The following FHIT variants were observed in gnomAD, a reference collection of about 807,000 sequenced individuals.
FHIT encodes the protein bis(5'-adenosyl)-triphosphatase.
In FHIT, 19 loss-of-function variants were observed where a neutral mutation model predicts 17.9. The observed-to-expected ratio is 1.06, with a 90% CI of 0.74 to 1.56. The LOEUF (loss-of-function observed/expected upper bound fraction) is 1.56. FHIT is among the 40% of genes most tolerant of loss of function. The probability of loss-of-function intolerance (pLI) is 0.00; values close to 1 mark genes in which losing one functional copy is unlikely to be tolerated. For missense variants in FHIT, 248 were observed against 189.2 expected (o/e 1.31, Z -1.82); for synonymous variants, 81 against 69.7 (o/e 1.16, Z -0.81).
intron 1 of FHIT, among the ~76,000 whole-genome samples, chr3:61,249,093 T>G (rs2040551795): frequency 6.6e-6 from 1 of 152,214 alleles, no homozygotes; most frequent in Non-Finnish European, 1.5e-5. Context: ...TTTATAACAA[T>G]TGGTCCTGGT....
intron 5 of FHIT, among the ~76,000 whole-genome samples, chr3:60,255,752 G>A (rs538339632): frequency 2.1e-4 from 32 of 152,206 alleles, no homozygotes; most frequent in African/African-American, 7.0e-4. Context: ...GCCTTAGATG[G>A]ATATCTATAA....
chr3:60,758,396 TA>T (rs1699523142), intron 4 of FHIT, among the ~76,000 whole-genome samples: 1 of 152,236 alleles, frequency 6.6e-6, no homozygotes, highest in Admixed American at 6.5e-5. Context: ...GGCTGACTGA[TA>T]CAGGAAGAGA....
At chr3:60,134,215 G>A (rs182688195) in intron 5 of FHIT, among the ~76,000 whole-genome samples, 4 of 152,162 alleles carry the variant, frequency 2.6e-5, no homozygotes, top group African/African-American at 9.7e-5. Flanking sequence ...CCAAGGTGGA[G>A]ATAGGAAAAT....
intron 4 of FHIT, among the ~76,000 whole-genome samples, chr3:60,579,743 G>A (rs1553659000): frequency 1.3e-5 from 2 of 152,072 alleles, no homozygotes; most frequent in African/African-American, 4.8e-5. Context: ...ATTTGAGAAG[G>A]GAAAATGTTG....
At chr3:60,493,281 C>T (rs1020892528) in intron 5 of FHIT, among the ~76,000 whole-genome samples, 9 of 152,168 alleles carry the variant, frequency 5.9e-5, no homozygotes, top group African/African-American at 1.9e-4. Context: ...ATGCTTAAAT[C>T]TGTAGATGGT....
chr3:60,289,859 G>A (rs1707902563), intron 5 of FHIT, among the ~76,000 whole-genome samples: 1 of 152,114 alleles, frequency 6.6e-6, no homozygotes, highest in African/African-American at 2.4e-5. Context: ...CTATAGTTTA[G>A]CAAAGTGGCT....
rs563273725 is a variant in FHIT, at chr3:60,298,569, G to A, written c.103+238291C>T. Among the ~76,000 whole-genome samples the A allele has an allele frequency of 6.6e-5, 10 of 152,230 alleles. No homozygotes were observed. In the South Asian group the frequency reaches 2.1e-3, roughly 32 times the overall value. The stretch of plus-strand genomic sequence containing the variant: ...GACTTTTTCCCAACCGTAAAGAAAA[G>A]CATTCAGTCTTTCAATGTTAAGTAT... On this transcript the variant is annotated intron_variant, in intron 5 of 9. Coordinates refer to ENST00000492590, the MANE Select transcript of FHIT (RefSeq NM_002012.4).
chr3:61,065,294 C>CAA (rs1553820897), intron 2 of FHIT, among the ~76,000 whole-genome samples: 1 of 35,500 alleles, frequency 2.8e-5, no homozygotes, highest in Non-Finnish European at 1.1e-4. Flanking sequence ...CACACACACA[C>CAA]ATACACACAC....
intron 4 of FHIT, among the ~76,000 whole-genome samples, chr3:60,799,596 T>C (rs1701113160): frequency 6.6e-6 from 1 of 152,248 alleles, no homozygotes; most frequent in South Asian, 2.1e-4. Context: ...ACTTCTAACA[T>C]ATTGAGGCAT....
Position 60,617,513 on chromosome 3 carries a change from A to G in FHIT, c.-17-80534T>C, listed in dbSNP as rs1285982703. The G allele has an allele frequency of 1.5e-4, 23 of 153,608 alleles. No individual in the cohort carries two copies. In the Admixed American group the frequency reaches 1.5e-3, roughly 10 times the overall value. The allele number at this position is 153,608 out of a possible 1,614,324, so 9.5% of individuals were successfully genotyped here. On this transcript the variant is annotated intron_variant, in intron 4 of 9. Coordinates refer to ENST00000492590, the MANE Select transcript of FHIT (RefSeq NM_002012.4). ...AAAGATGATTTTTTAAAACCCTTTC[A>G]TCTTAATTCAGGGTACCAAGCAGGT...
intron 7 of FHIT, among the ~76,000 whole-genome samples, chr3:59,996,015 AG>A (rs777528093): frequency 9.2e-5 from 14 of 152,126 alleles, no homozygotes; most frequent in Non-Finnish European, 1.8e-4. Context: ...TTTGAGGGCC[AG>A]GATGACACTG....
rs1252756615 is a variant in FHIT, at chr3:60,119,420, T to C, written c.104-105268A>G. Among the ~76,000 whole-genome samples the C allele has an allele frequency of 2.6e-5, 4 of 152,176 alleles. No homozygotes were observed. In the South Asian group the frequency reaches 8.3e-4, roughly 32 times the overall value. On this transcript the variant is annotated intron_variant, in intron 5 of 9. Coordinates refer to ENST00000492590, the MANE Select transcript of FHIT (RefSeq NM_002012.4). ...GCCTATTTTATGTTTTTAACATAAA[T>C]AAATGAAGATGCATCTTGTAATTGA... is the stretch of plus-strand genomic sequence containing the variant.
intron 4 of FHIT, among the ~76,000 whole-genome samples, chr3:60,820,511 T>C (rs1701888195): frequency 6.6e-6 from 1 of 152,168 alleles, no homozygotes; most frequent in African/African-American, 2.4e-5. Flanking sequence ...TCTGGCACAT[T>C]AGGAAGTAAA....
chr3:60,217,010 G>A (rs143431882), intron 5 of FHIT, among the ~76,000 whole-genome samples: 5 of 152,136 alleles, frequency 3.3e-5, no homozygotes, highest in African/African-American at 1.2e-4. Flanking sequence ...AAAAGGAGGA[G>A]AAGTGTGATA....
chr3:59,896,356 T>G (rs1036289311), intron 8 of FHIT, among the ~76,000 whole-genome samples: 86 of 152,318 alleles, frequency 5.6e-4, no homozygotes, highest in African/African-American at 2.0e-3. Context: ...AAAGAAAATA[T>G]GTGTTAACTG....
At chr3:60,787,397 T>A (rs1333890863) in intron 4 of FHIT, among the ~76,000 whole-genome samples, 1 of 152,208 alleles carries the variant, frequency 6.6e-6, no homozygotes, top group Non-Finnish European at 1.5e-5. Context: ...GGCTGGATAC[T>A]CTGTCACATG....
chr3:60,772,705 G>C (rs1354443288), intron 4 of FHIT, among the ~76,000 whole-genome samples: 1 of 152,110 alleles, frequency 6.6e-6, no homozygotes, highest in South Asian at 2.1e-4. Context: ...ATGAACAATT[G>C]CCAGCCATTA....
intron 3 of FHIT, among the ~76,000 whole-genome samples, chr3:60,889,405 T>G (rs1705389431): frequency 6.6e-6 from 1 of 152,200 alleles, no homozygotes; most frequent in Non-Finnish European, 1.5e-5. Context: ...AAAGAAAATT[T>G]TATATTCGAT....
intron 5 of FHIT, among the ~76,000 whole-genome samples, chr3:60,149,699 G>A (rs1473644823): frequency 6.6e-6 from 1 of 151,890 alleles, no homozygotes; most frequent in African/African-American, 2.4e-5. Context: ...AGTCTATAAG[G>A]TCGCAGTAGA....
Sources: allele counts gnomAD v4.1 joint callset (sites outside exome capture counted in the v4.1 genomes callset), GRCh38; gene constraint gnomAD v4.1.1; transcripts MANE v1.5; gene names NCBI Gene and HGNC (gene_info 2026-07-23, HGNC 2026-07-21).